LRGUK: variants seen among roughly 807,000 people sequenced by gnomAD.
LRGUK encodes the protein leucine rich repeats and guanylate kinase domain containing.
In LRGUK, 65 loss-of-function variants were observed where a neutral mutation model predicts 76.0. The observed-to-expected ratio is 0.85, with a 90% CI of 0.70 to 1.05. The LOEUF (loss-of-function observed/expected upper bound fraction) is 1.05, where lower values mean the gene tolerates loss of function less well. LRGUK is among the 50% of genes least tolerant of loss of function. LRGUK has a pLI of 0.00. For synonymous variants in LRGUK, 268 were observed against 265.6 expected, an observed-to-expected ratio of 1.01 and a Z score of -0.09; for missense variants, 758 against 732.8, an observed-to-expected ratio of 1.03 and a Z score of -0.40.
chr7:134,141,927 A>G (rs1797782602), intron 3 of LRGUK, among the ~76,000 whole-genome samples: 1 of 152,212 alleles, frequency 6.6e-6, no homozygotes, highest in Non-Finnish European at 1.5e-5. Context: ...GTCCAGAAAA[A>G]TAACATAGAA....
At chr7:134,160,421 A>G (rs774232229) in intron 6 of LRGUK, among the ~76,000 whole-genome samples, 1 of 152,164 alleles carries the variant, frequency 6.6e-6, no homozygotes, top group Non-Finnish European at 1.5e-5. Flanking sequence ...TAATTTTTTG[A>G]TAATAGAAAG....
At chr7:134,271,957 A>C in the LRGUK span, among the ~76,000 whole-genome samples, 1 of 152,148 alleles carries the variant, frequency 6.6e-6, no homozygotes, top group African/African-American at 2.4e-5. Context: ...GTATAATAAA[A>C]AATAACAATA....
At chr7:134,224,845 G>T (rs183110609) in intron 16 of LRGUK, among the ~76,000 whole-genome samples, 120 of 152,220 alleles carry the variant, frequency 7.9e-4, no homozygotes, top group African/African-American at 2.8e-3. Flanking sequence ...GAGGTCAAGA[G>T]ATTGAGACCA....
At chr7:134,218,189 C>T (rs1801487202) in intron 15 of LRGUK, among the ~76,000 whole-genome samples, 1 of 152,174 alleles carries the variant, frequency 6.6e-6, no homozygotes, top group African/African-American at 2.4e-5. Flanking sequence ...TCTCGAACTC[C>T]TGACCTCAAG....
intron 6 of LRGUK, among the ~76,000 whole-genome samples, 197 bp from the exon 7 acceptor site, chr7:134,163,200 G>A (rs17167545): frequency 0.13 from 20,013 of 151,914 alleles, 1,666 homozygotes; most frequent in East Asian, 0.32. Flanking sequence ...TTTCCACCTG[G>A]AAAACTGGAA....
intron 5 of LRGUK, among the ~76,000 whole-genome samples, chr7:134,153,364 T>C (rs1798313699): frequency 6.6e-6 from 1 of 152,168 alleles, no homozygotes; most frequent in Middle Eastern, 3.2e-3. Flanking sequence ...GATGATTAAT[T>C]GATAATTATC....
At chr7:134,252,691 G>C (rs1271364961) in intron 18 of LRGUK, among the ~76,000 whole-genome samples, 1 of 152,174 alleles carries the variant, frequency 6.6e-6, no homozygotes, top group Non-Finnish European at 1.5e-5. Flanking sequence ...CTTTCCAGGA[G>C]AGCTGGGTTT....
intron 4 of LRGUK, among the ~76,000 whole-genome samples, chr7:134,145,293 G>A (rs1011687545): frequency 1.3e-5 from 2 of 151,920 alleles, no homozygotes; most frequent in East Asian, 3.9e-4. Context: ...TGTTGCCCAG[G>A]CTGGAGTGCA....
chr7:134,183,337 G>C (rs975181823), intron 10 of LRGUK, among the ~76,000 whole-genome samples: 20 of 152,240 alleles, frequency 1.3e-4, no homozygotes, highest in Middle Eastern at 3.4e-3. Flanking sequence ...TGTTAAGTTG[G>C]CTTTGCATAC....
intron 19 of LRGUK, among the ~76,000 whole-genome samples, chr7:134,258,986 G>C (rs1227377803): frequency 1.3e-5 from 2 of 152,168 alleles, no homozygotes; most frequent in Non-Finnish European, 2.9e-5. Flanking sequence ...GCAGCGGTCT[G>C]GGACAACGAC....
chr7:134,197,064 G>T lies in LRGUK; in HGVS notation c.1504G>T (p.Ala502Ser), dbSNP rs367635019. The change falls in exon 13 of 16, where the codon GCA (alanine) becomes TCA (serine). Residue 502 changes from alanine (A) to serine (S), a missense_variant. Ala to Ser is a moderately conservative substitution (Grantham distance 99). Transcript: ENST00000645682. Reference sequence around the variant, plus strand: ...AAATAGGGACACCGTAGAAGGTATCGCAAGAGATGGTTTGGCAAGCTGTAT... The same window carrying T: ...AAATAGGGACACCGTAGAAGGTATCTCAAGAGATGGTTTGGCAAGCTGTAT... 3 of 1,611,630 alleles carry T rather than the reference G, an allele frequency of 1.9e-6. No homozygotes were observed. In the South Asian group the frequency reaches 3.3e-5, roughly 18 times the overall value.
chr7:134,173,520 A>C (rs1266012360), intron 7 of LRGUK, among the ~76,000 whole-genome samples: 2 of 152,258 alleles, frequency 1.3e-5, no homozygotes, highest in Non-Finnish European at 2.9e-5. Context: ...AGAATATTTA[A>C]GTAAACCTAT....
At chr7:134,250,073 G>A (rs1563200094) in intron 18 of LRGUK, among the ~76,000 whole-genome samples, 1 of 152,124 alleles carries the variant, frequency 6.6e-6, no homozygotes, top group Non-Finnish European at 1.5e-5. Context: ...TCAGAAGGGG[G>A]CTGTGGGTAT....
At chr7:134,145,968 C>CT (rs1433975647) in intron 4 of LRGUK, among the ~76,000 whole-genome samples, 3 of 152,112 alleles carry the variant, frequency 2.0e-5, no homozygotes, top group African/African-American at 7.2e-5. Flanking sequence ...GCACAAACCC[C>CT]TTTAAGGTCT....
chr7:134,263,813 A>T (rs757575662), intron 19 of LRGUK, 32 bp from the exon 20 acceptor site: 5 of 1,581,210 alleles, frequency 3.2e-6, no homozygotes, highest in Non-Finnish European at 4.3e-6. Context: ...AAACCAAGGG[A>T]TTAACTATCT....
At chr7:134,170,911 A>T (rs565139799) in intron 7 of LRGUK, among the ~76,000 whole-genome samples, 16 of 152,264 alleles carry the variant, frequency 1.1e-4, no homozygotes, top group African/African-American at 3.8e-4. Context: ...GTTGATTCTT[A>T]TTCCAGTAAT....
intron 7 of LRGUK, among the ~76,000 whole-genome samples, chr7:134,173,815 C>T (rs895009943): frequency 6.6e-6 from 1 of 152,102 alleles, no homozygotes; most frequent in African/African-American, 2.4e-5. Context: ...CATATATGTA[C>T]ATGCAGTAAG....
intron 1 of LRGUK, among the ~76,000 whole-genome samples, chr7:134,129,557 C>G (rs552278453): frequency 2.3e-4 from 35 of 149,178 alleles, no homozygotes; most frequent in Middle Eastern, 3.5e-3. Flanking sequence ...ACTGCAGTCT[C>G]GACCTCCTAG....
chr7:134,176,824 A>T (rs1245361590), intron 8 of LRGUK, among the ~76,000 whole-genome samples, 153 bp from the exon 9 acceptor site: 1 of 152,184 alleles, frequency 6.6e-6, no homozygotes, highest in Non-Finnish European at 1.5e-5. Context: ...ATGTAAGGGG[A>T]CTGGGAAGCG....
Sources: gnomAD v4.1 joint callset for allele counts (sites outside exome capture counted in the v4.1 genomes callset) on GRCh38, gnomAD v4.1.1 for gene constraint, MANE v1.5 for transcripts, NCBI Gene and HGNC (gene_info 2026-07-23, HGNC 2026-07-21) for gene names.